TENM3: variants seen among roughly 807,000 people sequenced by gnomAD.
TENM3 encodes the protein teneurin-3.
In TENM3, 63 loss-of-function variants were observed where a neutral mutation model predicts 255.1. That is an observed-to-expected ratio of 0.25 (90% confidence interval 0.20 to 0.30). The LOEUF is 0.30. Ranked by LOEUF, TENM3 falls within the 10% of genes least tolerant of loss-of-function variation. The pLI, the probability that TENM3 is intolerant of heterozygous loss-of-function variation, is 1.00. For synonymous variants in TENM3, 1,306 were observed against 1,322.3 expected, an observed-to-expected ratio of 0.99 and a Z score of 0.27; for missense variants, 2,929 against 3,461.1, an observed-to-expected ratio of 0.85 and a Z score of 3.86.
At chr4:182,156,805 A>T (rs1414508785) in intron 1 of TENM3, among the ~76,000 whole-genome samples, 1 of 151,974 alleles carries the variant, frequency 6.6e-6, no homozygotes, top group African/African-American at 2.4e-5. Context: ...CCCTCAATTC[A>T]CTCAAATCCA....
chr4:182,064,474 T>C, the TENM3 span, among the ~76,000 whole-genome samples: 44 of 151,840 alleles, frequency 2.9e-4, no homozygotes, highest in African/African-American at 1.0e-3. Context: ...GCTACTCTAC[T>C]CGGGAGGCTG....
At chr4:181,458,733 T>C in the TENM3 span, among the ~76,000 whole-genome samples, 3 of 151,960 alleles carry the variant, frequency 2.0e-5, no homozygotes, top group South Asian at 6.2e-4. Flanking sequence ...TGGTAATACA[T>C]TGCTTTGTAT....
intron 1 of TENM3, among the ~76,000 whole-genome samples, chr4:182,320,743 A>C (rs1169304108): frequency 6.6e-6 from 1 of 152,206 alleles, no homozygotes; most frequent in Non-Finnish European, 1.5e-5. Context: ...CTGTCTTTGT[A>C]GCATGAAAAT....
At chr4:182,155,211 TAATA>T (rs1454590657) in intron 1 of TENM3, among the ~76,000 whole-genome samples, 1 of 152,122 alleles carries the variant, frequency 6.6e-6, no homozygotes, top group Non-Finnish European at 1.5e-5. Context: ...TAATTTTCCT[TAATA>T]AATGGGCTCT....
chr4:182,668,344 G>A (rs1754898558), intron 6 of TENM3, among the ~76,000 whole-genome samples: 1 of 151,870 alleles, frequency 6.6e-6, no homozygotes, highest in South Asian at 2.1e-4. Flanking sequence ...TGTTATTGAG[G>A]GTCTATTAAT....
chr4:182,135,688 G>C, the TENM3 span, among the ~76,000 whole-genome samples: 1 of 152,240 alleles, frequency 6.6e-6, no homozygotes, highest in Non-Finnish European at 1.5e-5. Flanking sequence ...TAAGTATGTT[G>C]TTAAGAGTGG....
the TENM3 span, among the ~76,000 whole-genome samples, chr4:181,605,584 G>GAAAGAAAGAAAGAAAGAAAGAAAGAAA: frequency 2.9e-5 from 2 of 69,142 alleles, no homozygotes; most frequent in Non-Finnish European, 6.0e-5. Flanking sequence ...GAGAAAGAAA[G>GAAAGAAAGAAAGAAAGAAAGAAAGAAA]GAAAGAAAGA....
chr4:182,111,578 A>G, the TENM3 span, among the ~76,000 whole-genome samples: 3 of 152,224 alleles, frequency 2.0e-5, no homozygotes, highest in Non-Finnish European at 4.4e-5. Flanking sequence ...ACAAATGTGG[A>G]CCCACAGATG....
At chr4:181,512,588 A>G in the TENM3 span, among the ~76,000 whole-genome samples, 3 of 152,178 alleles carry the variant, frequency 2.0e-5, no homozygotes, top group Non-Finnish European at 4.4e-5. Context: ...CAATGATTAC[A>G]AACATCTAAA....
the TENM3 span, among the ~76,000 whole-genome samples, chr4:181,982,835 A>G: frequency 6.6e-6 from 1 of 152,156 alleles, no homozygotes; most frequent in African/African-American, 2.4e-5. Flanking sequence ...CTGTTTTTAT[A>G]ATGCTCAAAA....
intron 1 of TENM3, among the ~76,000 whole-genome samples, chr4:182,317,717 A>T (rs1212972100): frequency 6.7e-6 from 1 of 149,722 alleles, no homozygotes; most frequent in East Asian, 2.0e-4. Context: ...ACTACCAAAA[A>T]TATATATATA....
intron 3 of TENM3, among the ~76,000 whole-genome samples, chr4:182,405,478 G>T (rs1333581653): frequency 6.6e-6 from 1 of 152,238 alleles, no homozygotes. Flanking sequence ...ATGACAAATG[G>T]ATAGTACCCA....
chr4:182,169,832 C>T (rs1158989536), intron 1 of TENM3, among the ~76,000 whole-genome samples: 1 of 151,918 alleles, frequency 6.6e-6, no homozygotes, highest in Non-Finnish European at 1.5e-5. Context: ...GGTTTTGAAG[C>T]TTCTGTGGTG....
chr4:182,450,644 C>A (rs1012745985), intron 3 of TENM3, among the ~76,000 whole-genome samples: 1 of 152,128 alleles, frequency 6.6e-6, no homozygotes, highest in African/African-American at 2.4e-5. Context: ...AATATGAATG[C>A]AGGTGGTTCA....
the TENM3 span, among the ~76,000 whole-genome samples, chr4:181,941,887 A>G: frequency 6.6e-4 from 100 of 152,310 alleles, no homozygotes; most frequent in Non-Finnish European, 1.3e-3. Context: ...ATAAGTAAAT[A>G]TTTTAAGTTT....
intron 5 of TENM3, among the ~76,000 whole-genome samples, chr4:182,637,779 CTG>C (rs1478218447): frequency 3.3e-5 from 5 of 152,114 alleles, no homozygotes; most frequent in African/African-American, 1.2e-4. Flanking sequence ...GTTATAGTAA[CTG>C]TTTGAAAAGG....
chr4:182,302,460 C>T (rs377336688), intron 1 of TENM3, among the ~76,000 whole-genome samples: 42 of 152,118 alleles, frequency 2.8e-4, no homozygotes, highest in African/African-American at 9.4e-4. Flanking sequence ...GGATCTACTT[C>T]GCTGAGAGTT....
At chr4:181,861,871 A>C in the TENM3 span, among the ~76,000 whole-genome samples, 2 of 152,180 alleles carry the variant, frequency 1.3e-5, no homozygotes, top group African/African-American at 4.8e-5. Context: ...GTTAACATAC[A>C]ATTAGTATAG....
At chr4:182,683,835 C>T (rs1173773774) in intron 11 of TENM3, among the ~76,000 whole-genome samples, 1 of 151,806 alleles carries the variant, frequency 6.6e-6, no homozygotes, top group Non-Finnish European at 1.5e-5. Context: ...GTGATGACAG[C>T]ATGAATTGGC....
Sources: allele counts gnomAD v4.1 joint callset (sites outside exome capture counted in the v4.1 genomes callset), GRCh38; gene constraint gnomAD v4.1.1; transcripts MANE v1.5; gene names NCBI Gene and HGNC (gene_info 2026-07-23, HGNC 2026-07-21).